The following PARD3 variants were observed in gnomAD, a reference collection of about 807,000 sequenced individuals.
The protein encoded by PARD3 is par-3 family cell polarity regulator.
Under a neutral mutation model 155.4 loss-of-function variants are expected in PARD3, and 75 were observed. The ratio of observed to expected loss-of-function variants is 0.48; its 90% CI spans 0.40 to 0.58. The LOEUF (loss-of-function observed/expected upper bound fraction) is 0.58, where lower values mean the gene tolerates loss of function less well. Ranked by LOEUF, PARD3 falls within the 20% of genes least tolerant of loss-of-function variation. The pLI, the probability that PARD3 is intolerant of heterozygous loss-of-function variation, is 0.00. For missense variants in PARD3, 1,642 were observed against 1,721.7 expected, an observed-to-expected ratio of 0.95 and a Z score of 0.82; for synonymous variants, 576 against 610.5, an observed-to-expected ratio of 0.94 and a Z score of 0.83.
At chr10:34,397,221 A>C (rs1843428340) in intron 7 of PARD3, among the ~76,000 whole-genome samples, 1 of 152,190 alleles carries the variant, frequency 6.6e-6, no homozygotes, top group African/African-American at 2.4e-5. Flanking sequence ...GTATCTGTCA[A>C]TCTGAACAGA....
At chr10:34,796,940 G>A (rs750443283) in intron 1 of PARD3, among the ~76,000 whole-genome samples, 2 of 152,162 alleles carry the variant, frequency 1.3e-5, no homozygotes, top group South Asian at 2.1e-4. Context: ...AACTGAGATC[G>A]TGCCACTGCA....
chr10:34,387,644 T>C (rs945125994), intron 7 of PARD3, among the ~76,000 whole-genome samples: 1 of 152,316 alleles, frequency 6.6e-6, no homozygotes, highest in Admixed American at 6.5e-5. Context: ...CTTGAACTCC[T>C]GGACTTGGCC....
intron 2 of PARD3, among the ~76,000 whole-genome samples, chr10:34,517,639 AC>A (rs2081867952): frequency 6.6e-6 from 1 of 152,192 alleles, no homozygotes; most frequent in South Asian, 2.1e-4. Flanking sequence ...AACCTGTCAT[AC>A]AAATATTCCA....
chr10:34,144,227 C>CTA (rs1166150385), intron 22 of PARD3, among the ~76,000 whole-genome samples: 1 of 151,912 alleles, frequency 6.6e-6, no homozygotes, highest in Non-Finnish European at 1.5e-5. Flanking sequence ...ACTACATGTG[C>CTA]ATAGTTTATA....
intron 2 of PARD3, among the ~76,000 whole-genome samples, chr10:34,521,292 A>G (rs2133689998): frequency 6.7e-6 from 1 of 149,682 alleles, no homozygotes; most frequent in Middle Eastern, 3.5e-3. Context: ...ATATGAAATA[A>G]TTTTGTGTTA....
intron 15 of PARD3, chr10:34,346,498 C>G: frequency 7.5e-7 from 1 of 1,337,382 alleles, no homozygotes. Flanking sequence ...GCACAAATAT[C>G]TAGGGACACA....
chr10:34,214,447 G>C (rs372708393), intron 22 of PARD3, among the ~76,000 whole-genome samples: 25 of 152,124 alleles, frequency 1.6e-4, no homozygotes, highest in African/African-American at 6.0e-4. Context: ...CATAAGCAAC[G>C]TGGGGTGGTG....
intron 4 of PARD3, among the ~76,000 whole-genome samples, chr10:34,454,019 T>C (rs1436170877): frequency 2.6e-5 from 4 of 152,236 alleles, no homozygotes; most frequent in Non-Finnish European, 4.4e-5. Context: ...AATCCATATA[T>C]TGACTTATGT....
chr10:34,361,335 T>C (rs1839418274), intron 12 of PARD3, among the ~76,000 whole-genome samples: 1 of 152,224 alleles, frequency 6.6e-6, no homozygotes, highest in Non-Finnish European at 1.5e-5. Flanking sequence ...CTCCAGCATC[T>C]GTTTAGTCAT....
chr10:34,173,336 TGTG>T (rs1949890506), intron 22 of PARD3, among the ~76,000 whole-genome samples: 3 of 152,212 alleles, frequency 2.0e-5, no homozygotes, highest in Admixed American at 1.3e-4. Context: ...TACCAGGATT[TGTG>T]GTGTTCAGGT....
intron 2 of PARD3, among the ~76,000 whole-genome samples, chr10:34,640,259 A>G (rs530541952): frequency 6.6e-6 from 1 of 152,316 alleles, no homozygotes; most frequent in African/African-American, 2.4e-5. Context: ...GGGCACCCTG[A>G]AACGTTCTTT....
chr10:34,199,564 G>A (rs543566044), intron 22 of PARD3, among the ~76,000 whole-genome samples: 1 of 152,172 alleles, frequency 6.6e-6, no homozygotes, highest in African/African-American at 2.4e-5. Flanking sequence ...AGCCATGGGC[G>A]GCACCCCCAA....
At position 34,614,852 on chromosome 10, in the gene PARD3, G is replaced by A. The variant is rs569257664; in HGVS notation, c.222+81466C>T. On this transcript the variant is annotated intron_variant, in intron 2 of 24. Transcript: ENST00000374788. ...CAAAGTGACACTAAACAAAATAAAC[G>A]AAGCTAGAGGCATCCCACTACCTGA... Among the ~76,000 whole-genome samples the A allele has an allele frequency of 5.3e-5, 8 of 152,128 alleles. No individual in the cohort carries two copies. The East Asian group carries it at 5.8e-4, about 11-fold the overall frequency.
chr10:34,249,737 G>A (rs980467844), intron 22 of PARD3, among the ~76,000 whole-genome samples: 16 of 152,114 alleles, frequency 1.1e-4, no homozygotes, highest in African/African-American at 3.6e-4. Context: ...AGTTTAAGAA[G>A]AAGAATGGCT....
At chr10:34,788,950 G>A (rs1841313223) in intron 1 of PARD3, among the ~76,000 whole-genome samples, 1 of 152,018 alleles carries the variant, frequency 6.6e-6, no homozygotes, top group African/African-American at 2.4e-5. Flanking sequence ...AGAAACTGAG[G>A]GCCTTGAAAT....
chr10:34,757,693 G>GA (rs970413008), intron 1 of PARD3, among the ~76,000 whole-genome samples: 50 of 136,646 alleles, frequency 3.7e-4, no homozygotes, highest in Admixed American at 4.4e-4. Flanking sequence ...CTGTCTCCAA[G>GA]AAAAAAAAAA....
At chr10:34,664,658 G>A (rs2093406281) in intron 2 of PARD3, among the ~76,000 whole-genome samples, 1 of 151,986 alleles carries the variant, frequency 6.6e-6, no homozygotes, top group African/African-American at 2.4e-5. Context: ...GCTAATTTTT[G>A]TATTTTTAGT....
At chr10:34,436,982 G>A (rs1270540516) in intron 5 of PARD3, among the ~76,000 whole-genome samples, 2 of 152,134 alleles carry the variant, frequency 1.3e-5, no homozygotes, top group Non-Finnish European at 2.9e-5. Flanking sequence ...TAGAGAGTTG[G>A]GGGAGGGAGA....
intron 22 of PARD3, among the ~76,000 whole-genome samples, chr10:34,139,291 A>G (rs1233542271): frequency 2.0e-5 from 3 of 152,216 alleles, no homozygotes; most frequent in African/African-American, 7.2e-5. Context: ...TAACAACTCA[A>G]TCTTCACAGG....
Sources: allele counts gnomAD v4.1 joint callset (sites outside exome capture counted in the v4.1 genomes callset), GRCh38; gene constraint gnomAD v4.1.1; transcripts MANE v1.5; gene names NCBI Gene and HGNC (gene_info 2026-07-23, HGNC 2026-07-21).